UNC13C: variants seen among roughly 807,000 people sequenced by gnomAD.
The protein encoded by UNC13C is protein unc-13 homolog C.
In UNC13C, 174 loss-of-function variants were observed where a neutral mutation model predicts 245.4. The ratio of observed to expected loss-of-function variants is 0.71; its 90% CI spans 0.63 to 0.80. The LOEUF is 0.80. Ranked by LOEUF, UNC13C falls within the 30% of genes least tolerant of loss-of-function variation. UNC13C has a pLI of 0.00. For synonymous variants in UNC13C, 992 were observed against 895.1 expected (o/e 1.11, Z -1.93); for missense variants, 2,829 against 2,602.9 (o/e 1.09, Z -1.89).
intron 1 of UNC13C, among the ~76,000 whole-genome samples, chr15:54,011,921 A>C (rs1189312194): frequency 6.6e-6 from 1 of 152,190 alleles, no homozygotes; most frequent in African/African-American, 2.4e-5. Flanking sequence ...TTCTTTAATG[A>C]ATTAAGTAGA....
intron 2 of UNC13C, among the ~76,000 whole-genome samples, chr15:54,122,418 T>C (rs1271403496): frequency 6.6e-6 from 1 of 152,046 alleles, no homozygotes; most frequent in Non-Finnish European, 1.5e-5. Context: ...AATTTTAGGT[T>C]TCTTTTTTCA....
chr15:53,995,966 G>C (rs553824865), intron 1 of UNC13C, among the ~76,000 whole-genome samples: 26 of 152,276 alleles, frequency 1.7e-4, no homozygotes, highest in African/African-American at 6.0e-4. Flanking sequence ...TGCTATGGAA[G>C]GACGGCCGAA....
intron 2 of UNC13C, among the ~76,000 whole-genome samples, chr15:54,107,819 T>C (rs1900523328): frequency 6.6e-6 from 1 of 152,210 alleles, no homozygotes; most frequent in African/African-American, 2.4e-5. Flanking sequence ...TCTCTCAAAG[T>C]CTCTTTATAT....
At chr15:54,401,886 G>A (rs368873657) in intron 18 of UNC13C, among the ~76,000 whole-genome samples, 4 of 152,176 alleles carry the variant, frequency 2.6e-5, no homozygotes, top group Admixed American at 6.5e-5. Flanking sequence ...TGTGGTAATG[G>A]AGTTTAGTCT....
intron 4 of UNC13C, among the ~76,000 whole-genome samples, chr15:54,144,606 T>C (rs1041060139): frequency 1.3e-5 from 2 of 152,210 alleles, no homozygotes; most frequent in African/African-American, 4.8e-5. Flanking sequence ...CCAGAGCCTG[T>C]AATCTCAATT....
At position 54,261,522 on chromosome 15, in the gene UNC13C, G is replaced by GTTTGTTTGTTTTGT. The variant is rs372218365; in HGVS notation, c.3449-2639_3449-2638insGTTTTGTTTTGTTT. 5.0e-3 allele frequency among the ~76,000 whole-genome samples: 753 copies of GTTTGTTTGTTTTGT among 150,674 alleles called. 8 individuals are homozygous for GTTTGTTTGTTTTGT. Among genetic ancestry groups the GTTTGTTTGTTTTGT allele is most frequent in the African/African-American group, 0.018 (718 of 40,856 alleles). ...AATGCAAAAGTAGAAATTTTTGTTT[G>GTTTGTTTGTTTTGT]TTTGTTTTGTTTTGTTTTGTTTTGT... On this transcript the variant is annotated intron_variant, in intron 8 of 32. Coordinates refer to ENST00000260323, the MANE Select transcript of UNC13C (RefSeq NM_001080534.3).
At chr15:54,361,067 C>T (rs571238936) in intron 17 of UNC13C, among the ~76,000 whole-genome samples, 67 of 152,222 alleles carry the variant, frequency 4.4e-4, no homozygotes, top group Non-Finnish European at 8.8e-4. Context: ...CTTTTCCCTT[C>T]ATCTCCATTA....
chr15:54,368,951 T>C (rs918821886), intron 17 of UNC13C, among the ~76,000 whole-genome samples: 2 of 152,118 alleles, frequency 1.3e-5, no homozygotes, highest in African/African-American at 4.8e-5. Context: ...GACATAACCA[T>C]GTTAAACAAT....
chr15:53,875,269 C>G, the UNC13C span, among the ~76,000 whole-genome samples: 2 of 152,168 alleles, frequency 1.3e-5, no homozygotes, highest in Non-Finnish European at 2.9e-5. Flanking sequence ...CATGGTAGAG[C>G]CAAGGGCTTA....
intron 26 of UNC13C, among the ~76,000 whole-genome samples, chr15:54,546,236 G>C (rs371098253): frequency 6.6e-6 from 1 of 152,094 alleles, no homozygotes; most frequent in Non-Finnish European, 1.5e-5. Context: ...ATGAAACACC[G>C]CATGTTCTCA....
the UNC13C span, among the ~76,000 whole-genome samples, chr15:53,961,002 G>T: frequency 2.6e-5 from 4 of 152,188 alleles, no homozygotes; most frequent in Non-Finnish European, 5.9e-5. Flanking sequence ...GTATATGTTT[G>T]TGTGTATGTG....
intron 28 of UNC13C, among the ~76,000 whole-genome samples, chr15:54,553,299 CTATATTACAATATAGAATATTATAT>C (rs1896938166): frequency 2.8e-5 from 3 of 108,490 alleles, no homozygotes; most frequent in African/African-American, 3.6e-5. Flanking sequence ...ATATTGTATT[CTATATTACAATATAGAATATTATAT>C]ATAATATATA....
intron 17 of UNC13C, among the ~76,000 whole-genome samples, chr15:54,340,797 G>A (rs2038710158): frequency 6.6e-6 from 1 of 151,948 alleles, no homozygotes; most frequent in African/African-American, 2.4e-5. Context: ...ATGAATTTTA[G>A]GACTGTTTTT....
the UNC13C span, among the ~76,000 whole-genome samples, chr15:53,860,479 T>C: frequency 1.3e-5 from 2 of 152,148 alleles, no homozygotes; most frequent in Non-Finnish European, 2.9e-5. Context: ...GCTTCAGTCA[T>C]GGGGAGGTAA....
At chr15:54,128,013 A>G (rs974455616) in intron 2 of UNC13C, among the ~76,000 whole-genome samples, 6 of 151,958 alleles carry the variant, frequency 3.9e-5, no homozygotes, top group Non-Finnish European at 7.4e-5. Context: ...TATACCTAGG[A>G]TATCCTAAAG....
chr15:54,164,152 G>T (rs898509437), intron 4 of UNC13C, among the ~76,000 whole-genome samples: 1 of 151,974 alleles, frequency 6.6e-6, no homozygotes, highest in Non-Finnish European at 1.5e-5. Flanking sequence ...TTCAGTTAAA[G>T]AAAGGAAAAA....
At chr15:54,216,684 G>A (rs1190960322) in intron 4 of UNC13C, among the ~76,000 whole-genome samples, 1 of 151,950 alleles carries the variant, frequency 6.6e-6, no homozygotes, top group Non-Finnish European at 1.5e-5. Flanking sequence ...ATGCCACTTA[G>A]TTCAGTATTT....
intron 22 of UNC13C, among the ~76,000 whole-genome samples, chr15:54,506,392 C>T (rs1226259966): frequency 6.6e-6 from 1 of 152,030 alleles, no homozygotes; most frequent in Non-Finnish European, 1.5e-5. Context: ...TGAAGAGACA[C>T]ATTTGAAGAT....
At chr15:54,408,002 C>T (rs909954087) in intron 18 of UNC13C, among the ~76,000 whole-genome samples, 4 of 151,708 alleles carry the variant, frequency 2.6e-5, no homozygotes, top group African/African-American at 9.7e-5. Context: ...GAGATCGAGA[C>T]CATCCTGGTG....
Sources: gnomAD v4.1 joint callset for allele counts (sites outside exome capture counted in the v4.1 genomes callset) on GRCh38, gnomAD v4.1.1 for gene constraint, MANE v1.5 for transcripts, NCBI Gene and HGNC (gene_info 2026-07-23, HGNC 2026-07-21) for gene names.